Variants in GRID2 observed in about 807,000 individuals in gnomAD.
The protein encoded by GRID2 is glutamate ionotropic receptor delta type subunit 2.
A neutral mutation model predicts 114.8 loss-of-function variants in GRID2; 33 were observed. The observed-to-expected ratio is 0.29, with a 90% CI of 0.22 to 0.38. The LOEUF is 0.38. Ranked by LOEUF, GRID2 falls within the 10% of genes least tolerant of loss-of-function variation. GRID2 has a pLI of 1.00. For missense variants in GRID2, 1,184 were observed against 1,257.7 expected, an observed-to-expected ratio of 0.94 and a Z score of 0.89; for synonymous variants, 505 against 449.9, an observed-to-expected ratio of 1.12 and a Z score of -1.55.
chr4:92,759,899 T>C (rs1193268281), intron 2 of GRID2, among the ~76,000 whole-genome samples: 2 of 151,606 alleles, frequency 1.3e-5, no homozygotes, highest in Admixed American at 6.6e-5. Flanking sequence ...GTGCTGGGAC[T>C]GCAGGTGTGC....
intron 14 of GRID2, among the ~76,000 whole-genome samples, chr4:93,755,822 A>G (rs1357109163): frequency 7.9e-5 from 12 of 152,220 alleles, no homozygotes; most frequent in Non-Finnish European, 2.9e-5. Context: ...TGCCACATCA[A>G]GTTATCATAT....
intron 1 of GRID2, among the ~76,000 whole-genome samples, chr4:92,383,904 T>C (rs1729737988): frequency 6.6e-6 from 1 of 152,006 alleles, no homozygotes; most frequent in Admixed American, 6.6e-5. Context: ...ATGACATTTC[T>C]TATCCACTCT....
intron 1 of GRID2, among the ~76,000 whole-genome samples, chr4:93,782,651 C>T (rs1734502857): frequency 6.6e-6 from 1 of 152,188 alleles, no homozygotes; most frequent in Non-Finnish European, 1.5e-5. Context: ...TGTCTACTGA[C>T]TCTAACCAAC....
At chr4:93,423,792 G>A (rs1768573585) in intron 10 of GRID2, among the ~76,000 whole-genome samples, 1 of 152,004 alleles carries the variant, frequency 6.6e-6, no homozygotes, top group Non-Finnish European at 1.5e-5. Context: ...TAGGCACATA[G>A]ACATTTATAA....
rs570326052 is a variant in GRID2, at chr4:92,646,231, A to G, written c.244+55945A>G. The stretch of plus-strand genomic sequence containing the variant: ...CTTTCTTATTATGTGCCACTCAGCT[A>G]TCTTCTTTTATAAAGTGCCTGTTAA... On this transcript the variant is annotated intron_variant, in intron 2 of 15. Transcript: ENST00000282020. Among the ~76,000 whole-genome samples, 474 of 152,272 alleles carry G rather than the reference A, an allele frequency of 3.1e-3. 2 individuals are homozygous for G. Among genetic ancestry groups the G allele is most frequent in the African/African-American group, 0.011 (459 of 41,568 alleles).
In GRID2 at chr4:93,723,580, C is replaced by T. The variant is rs945231611; in HGVS notation, c.2361-45630C>T. On this transcript the variant is annotated intron_variant, in intron 14 of 15. Coordinates refer to ENST00000282020, the MANE Select transcript of GRID2 (RefSeq NM_001510.4). ...CTATGCAATATAATTTTTTCAATGG[C>T]TTTTATGAACTTTTAATTCTATTTA... Among the ~76,000 whole-genome samples, 4 of 152,168 alleles carry T rather than the reference C, an allele frequency of 2.6e-5. No homozygotes were observed. The South Asian group carries it at 8.3e-4, about 31-fold the overall frequency.
At chr4:92,712,327 T>C (rs1034263983) in intron 2 of GRID2, among the ~76,000 whole-genome samples, 42 of 152,176 alleles carry the variant, frequency 2.8e-4, no homozygotes, top group African/African-American at 5.1e-4. Context: ...ATTTATACTT[T>C]AGTGAACAAT....
chr4:93,165,221 T>TA (rs879701387), intron 4 of GRID2, among the ~76,000 whole-genome samples: 1 of 152,064 alleles, frequency 6.6e-6, no homozygotes, highest in African/African-American at 2.4e-5. Context: ...CTTGGCAACT[T>TA]ACAACTGGCG....
intron 2 of GRID2, among the ~76,000 whole-genome samples, chr4:92,926,656 A>C (rs1749830724): frequency 6.6e-6 from 1 of 151,932 alleles, no homozygotes; most frequent in African/African-American, 2.4e-5. Context: ...AATGAATTTC[A>C]TTGTTTTGGC....
chr4:93,677,605 G>T (rs745582442), intron 14 of GRID2, among the ~76,000 whole-genome samples: 1 of 152,116 alleles, frequency 6.6e-6, no homozygotes, highest in African/African-American at 2.4e-5. Context: ...CCATCAGACA[G>T]CAGCATTCGC....
At chr4:92,530,536 C>T (rs1053446495) in intron 1 of GRID2, among the ~76,000 whole-genome samples, 9 of 148,272 alleles carry the variant, frequency 6.1e-5, no homozygotes, top group East Asian at 2.0e-4. Context: ...GAGAGACTTC[C>T]GAGACACGAG....
intron 8 of GRID2, among the ~76,000 whole-genome samples, chr4:93,300,231 C>G (rs1754721808): frequency 6.6e-6 from 1 of 152,182 alleles, no homozygotes; most frequent in African/African-American, 2.4e-5. Flanking sequence ...CAGGTACTCC[C>G]ATGCCTGGCA....
At chr4:92,659,230 A>G (rs1029449882) in intron 2 of GRID2, among the ~76,000 whole-genome samples, 2 of 151,724 alleles carry the variant, frequency 1.3e-5, no homozygotes, top group South Asian at 2.1e-4. Context: ...CAAAGCCACT[A>G]TGCTAAAGTA....
chr4:92,398,772 A>C (rs550326838), intron 1 of GRID2, among the ~76,000 whole-genome samples: 21 of 149,210 alleles, frequency 1.4e-4, no homozygotes, highest in Admixed American at 6.6e-5. Context: ...GAAATGCATG[A>C]TTGTACAACT....
chr4:92,833,316 A>G (rs1170441591), intron 2 of GRID2, among the ~76,000 whole-genome samples: 5 of 152,198 alleles, frequency 3.3e-5, no homozygotes. Flanking sequence ...AGTAGAGTCT[A>G]AAGTTATACA....
chr4:93,476,437 T>C (rs957349059), intron 11 of GRID2, among the ~76,000 whole-genome samples: 2 of 152,174 alleles, frequency 1.3e-5, no homozygotes, highest in African/African-American at 2.4e-5. Context: ...CTCTTTTCAA[T>C]TGAATTTCTA....
chr4:92,611,242 G>C (rs756149250), intron 2 of GRID2, among the ~76,000 whole-genome samples: 3 of 151,434 alleles, frequency 2.0e-5, no homozygotes, highest in African/African-American at 7.2e-5. Flanking sequence ...TTTTCTTACA[G>C]TTCTGGAGTC....
intron 13 of GRID2, among the ~76,000 whole-genome samples, chr4:93,614,535 A>G (rs1741385803): frequency 6.6e-6 from 1 of 152,042 alleles, no homozygotes; most frequent in Non-Finnish European, 1.5e-5. Context: ...AAAACATGAA[A>G]TAGTCATTTA....
chr4:93,441,774 A>G (rs1184268936), intron 10 of GRID2, among the ~76,000 whole-genome samples: 1 of 152,010 alleles, frequency 6.6e-6, no homozygotes, highest in African/African-American at 2.4e-5. Context: ...AGTTGTTCTA[A>G]GTCTCAATGA....
Sources: allele counts gnomAD v4.1 joint callset (sites outside exome capture counted in the v4.1 genomes callset), GRCh38; gene constraint gnomAD v4.1.1; transcripts MANE v1.5; gene names NCBI Gene and HGNC (gene_info 2026-07-23, HGNC 2026-07-21).